SHE: variants seen among roughly 807,000 people sequenced by gnomAD.
The protein encoded by SHE is SH2 domain-containing adapter protein E.
A neutral mutation model predicts 49.8 loss-of-function variants in SHE; 11 were observed. The observed-to-expected ratio is 0.22, with a 90% CI of 0.14 to 0.37. The LOEUF is 0.37. SHE is among the 10% of genes least tolerant of loss of function. The pLI is 1.00. For synonymous variants in SHE, 310 were observed against 278.1 expected (o/e 1.11, Z -1.14); for missense variants, 624 against 655.5 (o/e 0.95, Z 0.52).
chr1:154,473,505 G>GA (rs1328350366), intron 1 of SHE, among the ~76,000 whole-genome samples: 15 of 150,466 alleles, frequency 1.0e-4, no homozygotes, highest in Non-Finnish European at 4.4e-5. Context: ...GGGGAAGAAA[G>GA]AAAAAAAAGA....
Position 154,481,206 on chromosome 1 carries a change from TG to T in SHE, c.*2942del, listed in dbSNP as rs1692010935. The T allele has an allele frequency of 1.0e-6, 1 of 985,324 alleles. No homozygotes were observed. The allele number at this position is 985,324 out of a possible 1,614,324, so 61.0% of individuals were successfully genotyped here. The stretch of plus-strand genomic sequence containing the variant: ...TGGGCCTAATTGTTTTTAGAACATA[TG>T]GAACTTTGTGCCACCACACAGCTGT... On this transcript the variant is annotated 3_prime_UTR_variant, in exon 6 of 6. Transcript: ENST00000304760.
chr1:154,484,228 T>C lies in SHE; in HGVS notation c.1409A>G (p.Tyr470Cys), dbSNP rs1284284894. 4.3e-6 allele frequency: 7 copies of C among 1,614,102 alleles called. No individual in the cohort carries two copies. Among genetic ancestry groups the C allele is most frequent in the Admixed American group, 1.7e-5 (1 of 60,000 alleles). Residue 470 changes from tyrosine to cysteine, a missense_variant, in exon 6 of 6, where the codon TAT becomes TGT. This residue lies in a region of SHE where 125 missense variants were observed against 181.7 expected (regional missense o/e 0.69). Coordinates refer to ENST00000304760, the MANE Select transcript of SHE (RefSeq NM_001010846.3). ...GAAAGGCAACTTTTCATTGGAATAA[T>C]AGTGTACCACTTCAGGGATGCTGTC... ...VFDSIPEVVH[Y>C]YSNEKLPFKG... is the part of the protein sequence containing the mutation.
intron 5 of SHE, chr1:154,485,034 CGTAA>C (rs1358638238): frequency 2.0e-5 from 3 of 151,130 alleles, no homozygotes; most frequent in Non-Finnish European, 4.4e-5. Flanking sequence ...GCTAAAAGGA[CGTAA>C]GTAAGGGTTC....
chr1:154,488,699 G>C (rs1042805088), intron 3 of SHE, among the ~76,000 whole-genome samples: 11 of 152,120 alleles, frequency 7.2e-5, no homozygotes, highest in African/African-American at 2.7e-4. Context: ...CGATTCTCCT[G>C]TCTCAGGCTG....
At chr1:154,498,496 C>G (rs544958494) in intron 2 of SHE, among the ~76,000 whole-genome samples, 57 of 151,710 alleles carry the variant, frequency 3.8e-4, no homozygotes, top group African/African-American at 1.2e-3. Flanking sequence ...CTCCCTAGTT[C>G]AAGTGATTCT....
intron 1 of SHE, among the ~76,000 whole-genome samples, chr1:154,473,456 C>A (rs1571034086): frequency 6.6e-6 from 1 of 151,576 alleles, no homozygotes. Context: ...GCCCGGGCAA[C>A]AGGTTGAGAC....
rs766862575 is a variant in SHE, at chr1:154,489,190, C to A, written c.885G>T (p.Glu295Asp). The A allele has an allele frequency of 8.1e-6, 13 of 1,614,066 alleles. No homozygotes were observed. The South Asian group carries it at 1.2e-4, about 15-fold the overall frequency. Residue 295 changes from glutamate to aspartate, a missense_variant, in exon 3 of 6, where the codon GAG becomes GAT. Glu to Asp is a conservative substitution (Grantham distance 45). Coordinates refer to ENST00000304760, the MANE Select transcript of SHE (RefSeq NM_001010846.3). ...KPPQLYDTPYEPAEGGPRAEG... is the reference protein window; with the variant it reads ...KPPQLYDTPYDPAEGGPRAEG... ...CTGCCCTGGGCCCCCCTTCTGCAGG[C>A]TCGTAGGGAGTGTCGTATAGCTGTG...
In SHE at chr1:154,486,526, C is replaced by T; in HGVS notation, c.1181+1G>A. ...TACAAGGATCTGAGGAGGAGACTCA[C>T]GGCTGCTTCTCCAGGGGCAGGCCCG... On this transcript the variant is annotated splice_donor_variant, in intron 4 of 5. Coordinates refer to ENST00000304760, the MANE Select transcript of SHE (RefSeq NM_001010846.3). LOFTEE classifies it high-confidence loss of function. 1.2e-6 allele frequency: 2 copies of T among 1,613,904 alleles called. No individual in the cohort carries two copies. The highest frequency in any genetic ancestry group is 2.2e-5 in the East Asian group (1 of 44,886).
intron 5 of SHE, chr1:154,484,695 G>A (rs182352757): frequency 1.0e-3 from 190 of 184,102 alleles, no homozygotes; most frequent in Admixed American, 2.2e-3. Context: ...GGGCACGGTG[G>A]CTCACGCCTG....
rs570518497 is a variant in SHE, at chr1:154,479,619, G to C, written c.*4530C>G. 8.1e-5 allele frequency: 78 copies of C among 963,780 alleles called. No homozygotes were observed. The African/African-American group carries it at 1.3e-3, about 16-fold the overall frequency. 59.7% of individuals were successfully genotyped at this position (963,780 alleles called of 1,614,324 possible). On this transcript the variant is annotated 3_prime_UTR_variant, in exon 6 of 6. Coordinates refer to ENST00000304760, the MANE Select transcript of SHE (RefSeq NM_001010846.3). The stretch of plus-strand genomic sequence containing the variant: ...TGATTTAAATTACTAAGGCACTATA[G>C]ATAGACACCTATATTACATACAATC...
chr1:154,498,469 C>T (rs552714800), intron 2 of SHE, among the ~76,000 whole-genome samples: 1 of 149,596 alleles, frequency 6.7e-6, no homozygotes, highest in East Asian at 2.0e-4. Context: ...GCAATCTTGG[C>T]TTGTTGCAAC....
At chr1:154,489,465 T>A in intron 2 of SHE, 109 bp from the exon 3 acceptor site, 1 of 1,332,878 alleles carries the variant, frequency 7.5e-7, no homozygotes, top group Non-Finnish European at 1.0e-6. Context: ...CACCTCTGTC[T>A]GTCTGGGTGA....
rs1044287862 is a variant in SHE at position 154,501,546 on chromosome 1, A to T, written c.481T>A (p.Tyr161Asn). ...DTQEKNGKSNYPSSSSSSSSS... is the reference protein window; with the variant it reads ...DTQEKNGKSNNPSSSSSSSSS... ...GAGCTGGAGCTACTGCTGCTGGGGT[A>T]GTTGCTCTTCCCGTTCTTCTCCTGA... Residue 161 changes from tyrosine to asparagine, a missense_variant, in exon 1 of 6, where the codon TAC becomes AAC. Tyr to Asn is a moderately radical substitution (Grantham distance 143). This residue lies in a region of SHE where 337 missense variants were observed against 306.0 expected (regional missense o/e 1.10). Transcript: ENST00000304760. The T allele has an allele frequency of 6.2e-7, 1 of 1,614,002 alleles. No homozygotes were observed. The highest frequency in any genetic ancestry group is 8.5e-7 in the Non-Finnish European group (1 of 1,179,992).
At chr1:154,485,922 A>T in intron 5 of SHE, 21 bp downstream of exon 5, 1 of 1,607,802 alleles carries the variant, frequency 6.2e-7, no homozygotes, top group Non-Finnish European at 8.5e-7. Context: ...GGAGATGAGG[A>T]AAGCCATGGG....
chr1:154,488,937 T>C (rs964371045), intron 3 of SHE, 114 bp downstream of exon 3: 4 of 1,338,340 alleles, frequency 3.0e-6, no homozygotes, highest in Non-Finnish European at 4.0e-6. Context: ...CAGTTGCACA[T>C]TGAGAAGAGA....
At position 154,482,846 on chromosome 1, in the gene SHE, A is replaced by C; in HGVS notation, c.*1303T>G. 2 of 985,454 alleles carry C rather than the reference A, an allele frequency of 2.0e-6. No individual in the cohort carries two copies. The highest frequency in any genetic ancestry group is 1.7e-5 in the African/African-American group (1 of 57,362). The allele number at this position is 985,454 out of a possible 1,614,324, so 61.0% of individuals were successfully genotyped here. On this transcript the variant is annotated 3_prime_UTR_variant, in exon 6 of 6. Coordinates refer to ENST00000304760, the MANE Select transcript of SHE (RefSeq NM_001010846.3). ...AAGGCAGTCTGCTTGGTACAGAACGAGAGAATCTTTGTAGGCTTTAGAGAC... is the reference window on the plus strand; with the variant it reads ...AAGGCAGTCTGCTTGGTACAGAACGCGAGAATCTTTGTAGGCTTTAGAGAC...
chr1:154,476,167 G>A (rs1375092137), downstream of SHE, among the ~76,000 whole-genome samples: 1 of 152,094 alleles, frequency 6.6e-6, no homozygotes, highest in Non-Finnish European at 1.5e-5. Context: ...GCAATATAGT[G>A]AGACCTTGTC....
In SHE at chr1:154,488,844, A is replaced by G. The variant is rs1349044570; in HGVS notation, c.1024+207T>C. On this transcript the variant is annotated intron_variant, in intron 3 of 5. Transcript: ENST00000304760. ...TCAAGTGATCCGCCTGCCTTCTCCT[A>G]AAGTGACTTGGATTACAGGCGCAAG... 7.2e-5 allele frequency among the ~76,000 whole-genome samples: 11 copies of G among 152,328 alleles called. No individual in the cohort carries two copies. The East Asian group carries it at 1.9e-3, about 27-fold the overall frequency.
exon 2 of SHE, chr1:154,470,149 CCTCTT>C (rs1224621554): frequency 7.5e-6 from 3 of 402,182 alleles, no homozygotes; most frequent in Non-Finnish European, 1.4e-5. Context: ...ACCATGCTCT[CCTCTT>C]TGAGGCTGGT....
Sources: gnomAD v4.1 joint callset for allele counts (sites outside exome capture counted in the v4.1 genomes callset) on GRCh38, gnomAD v4.1.1 for gene constraint, gnomAD v4.1.1 regional missense constraint, MANE v1.5 for transcripts, NCBI Gene and HGNC (gene_info 2026-07-23, HGNC 2026-07-21) for gene names.